The following BCO1 variants were observed in gnomAD, a reference collection of about 807,000 sequenced individuals.
BCO1 encodes beta,beta-carotene 15,15'-dioxygenase.
Under a neutral mutation model 56.3 loss-of-function variants are expected in BCO1, and 54 were observed. That is an observed-to-expected ratio of 0.96 (90% CI 0.77 to 1.20). BCO1 has a LOEUF of 1.20. BCO1 is among the 50% of genes most tolerant of loss of function. The probability of loss-of-function intolerance (pLI) is 0.00; values close to 1 mark genes in which losing one functional copy is unlikely to be tolerated. For missense variants in BCO1, 801 were observed against 690.9 expected, an observed-to-expected ratio of 1.16 and a Z score of -1.79; for synonymous variants, 318 against 266.1, an observed-to-expected ratio of 1.20 and a Z score of -1.90.
intron 2 of BCO1, among the ~76,000 whole-genome samples, chr16:81,250,013 C>T (rs1170590699): frequency 6.6e-6 from 1 of 152,116 alleles, no homozygotes; most frequent in African/African-American, 2.4e-5. Flanking sequence ...TAGACAGAGG[C>T]AATACTTTCC....
intron 10 of BCO1, among the ~76,000 whole-genome samples, chr16:81,287,859 TGCCA>T (rs552367301): frequency 2.5e-3 from 381 of 152,314 alleles, no homozygotes; most frequent in Middle Eastern, 0.01. Context: ...CGAGTATTAC[TGCCA>T]GCCAGGAAGC....
intron 2 of BCO1, among the ~76,000 whole-genome samples, chr16:81,249,556 C>G (rs1905658116): frequency 6.6e-6 from 1 of 151,654 alleles, no homozygotes; most frequent in South Asian, 2.1e-4. Context: ...GTGCCCGGCC[C>G]CGGCTAGGTT....
chr16:81,270,067 C>G (rs911030317), intron 6 of BCO1, 92 bp from the exon 7 acceptor site: 6 of 1,521,738 alleles, frequency 3.9e-6, no homozygotes, highest in Non-Finnish European at 5.4e-6. Context: ...GAGCCTAGCT[C>G]CTGGCGGGGC....
chr16:81,249,143 T>G (rs1905624860), intron 2 of BCO1, among the ~76,000 whole-genome samples: 1 of 146,104 alleles, frequency 6.8e-6, no homozygotes, highest in African/African-American at 2.5e-5. Context: ...CAGGTTGGAG[T>G]GTGGTGGCGC....
rs576584881 is a variant in BCO1, at chr16:81,284,806, T to G, written c.1208-734T>G. On this transcript the variant is annotated intron_variant, in intron 8 of 10. Transcript: ENST00000258168. ...AGCACAGCTTCCTATTTCTTTTCTT[T>G]TTGTTTTGTTTTGTTTTCTTTTCTT... Among the ~76,000 whole-genome samples the G allele has an allele frequency of 4.0e-5, 6 of 151,228 alleles. No homozygotes were observed. The South Asian group carries it at 1.3e-3, about 32-fold the overall frequency.
rs188985784 is a variant in BCO1, at chr16:81,280,730, A to G, written c.1102-127A>G. Reference sequence around the variant, plus strand: ...AACAACAGGAAACGAGCTGCTTCCTATGATTAATGTGAGGCTAAGCCAAGA... The same window carrying G: ...AACAACAGGAAACGAGCTGCTTCCTGTGATTAATGTGAGGCTAAGCCAAGA... On this transcript the variant is annotated intron_variant, in intron 7 of 10. Transcript: ENST00000258168. The G allele has an allele frequency of 2.5e-4, 178 of 724,906 alleles. No individual in the cohort carries two copies. In the African/African-American group the frequency reaches 2.9e-3, roughly 12 times the overall value. 44.9% of individuals were successfully genotyped at this position (724,906 alleles called of 1,614,324 possible).
At chr16:81,245,210 G>A (rs183866520) in intron 1 of BCO1, among the ~76,000 whole-genome samples, 2 of 152,262 alleles carry the variant, frequency 1.3e-5, no homozygotes, top group Non-Finnish European at 2.9e-5. Context: ...TGACCACAGT[G>A]GATCTTGGGT....
intron 9 of BCO1, among the ~76,000 whole-genome samples, chr16:81,286,515 A>G (rs183593992): frequency 1.3e-5 from 2 of 152,242 alleles, no homozygotes; most frequent in African/African-American, 2.4e-5. Flanking sequence ...ATATTCATTT[A>G]TTTAACTCAT....
chr16:81,268,316 T>C (rs1906963187), intron 6 of BCO1, among the ~76,000 whole-genome samples, 185 bp downstream of exon 6: 1 of 152,166 alleles, frequency 6.6e-6, no homozygotes, highest in African/African-American at 2.4e-5. Flanking sequence ...CCCAGGCCTT[T>C]GTACCCCCAC....
At position 81,260,715 on chromosome 16, in the gene BCO1, A is replaced by C. The variant is rs149533487; in HGVS notation, c.323+910A>C. On this transcript the variant is annotated intron_variant, in intron 3 of 10. Transcript: ENST00000258168. ...GTAGAGACGGGGTTTCACCATGTTG[A>C]TCAGGCTGGTCTTGAACTCCTGATC... Among the ~76,000 whole-genome samples the C allele has an allele frequency of 4.8e-3, 737 of 152,188 alleles. 6 individuals carry two copies. Among genetic ancestry groups the C allele is most frequent in the African/African-American group, 0.017 (706 of 41,512 alleles).
At chr16:81,268,156 C>T in intron 6 of BCO1, 25 bp downstream of exon 6, 1 of 1,588,386 alleles carries the variant, frequency 6.3e-7, no homozygotes, top group Non-Finnish European at 8.6e-7. Context: ...GACTCTAGCC[C>T]AGTGGGTGCT....
intron 2 of BCO1, among the ~76,000 whole-genome samples, chr16:81,257,768 A>T (rs958514339): frequency 6.6e-5 from 10 of 151,480 alleles, no homozygotes; most frequent in Admixed American, 1.3e-4. Flanking sequence ...AATACCAGCT[A>T]CTCGGGGAGG....
Position 81,290,656 on chromosome 16 carries a change from G to A in BCO1, c.*79G>A. 1 of 1,201,508 alleles carries A rather than the reference G, an allele frequency of 8.3e-7. No homozygotes were observed. The highest frequency in any genetic ancestry group is 1.3e-5 in the South Asian group (1 of 79,218). 74.4% of individuals were successfully genotyped at this position (1,201,508 alleles called of 1,614,324 possible). A position where few individuals can be genotyped will look rare whatever the true frequency, so the allele number is the denominator to read the frequency against. ...TATGTTTCTTTGGATGGAGGGGAGG[G>A]CCTTTGTTACCTTTTGCACTTATTC... On this transcript the variant is annotated 3_prime_UTR_variant, in exon 11 of 11. Coordinates refer to ENST00000258168, the MANE Select transcript of BCO1 (RefSeq NM_017429.3).
chr16:81,269,541 C>T (rs552142722), intron 6 of BCO1, among the ~76,000 whole-genome samples: 1 of 152,228 alleles, frequency 6.6e-6, no homozygotes, highest in East Asian at 1.9e-4. Context: ...ATTCTTGGCT[C>T]ACTGCACCCT....
At chr16:81,242,631 C>G (rs139840946) in intron 1 of BCO1, among the ~76,000 whole-genome samples, 2 of 152,142 alleles carry the variant, frequency 1.3e-5, no homozygotes, top group Non-Finnish European at 2.9e-5. Flanking sequence ...CCCGGGTCCT[C>G]TCTCTGGTCT....
At chr16:81,242,057 C>A (rs1462939486) in intron 1 of BCO1, among the ~76,000 whole-genome samples, 2 of 152,044 alleles carry the variant, frequency 1.3e-5, no homozygotes, top group African/African-American at 4.8e-5. Flanking sequence ...TGTTCTTGTC[C>A]TATCTAGGGC....
At chr16:81,274,368 A>G (rs1907423913) in intron 7 of BCO1, among the ~76,000 whole-genome samples, 1 of 142,920 alleles carries the variant, frequency 7.0e-6, no homozygotes, top group Admixed American at 7.6e-5. Flanking sequence ...GGTTCACGCC[A>G]TTCTGCTGCC....
intron 2 of BCO1, 152 bp from the exon 3 acceptor site, chr16:81,259,524 A>T: frequency 1.8e-6 from 1 of 552,398 alleles, no homozygotes; most frequent in Non-Finnish European, 2.9e-6. Context: ...TTATATTTAA[A>T]ATGCGAATTG....
chr16:81,239,529 G>C (rs1369719313), intron 1 of BCO1, among the ~76,000 whole-genome samples: 1 of 152,140 alleles, frequency 6.6e-6, no homozygotes, highest in East Asian at 1.9e-4. Context: ...TGCCCCAGTG[G>C]GTACATAGAC....
Sources: allele counts gnomAD v4.1 joint callset (sites outside exome capture counted in the v4.1 genomes callset), GRCh38; gene constraint gnomAD v4.1.1; transcripts MANE v1.5; gene names NCBI Gene and HGNC (gene_info 2026-07-23, HGNC 2026-07-21).